The following MRAP2 variants were observed in gnomAD, a reference collection of about 807,000 sequenced individuals.
MRAP2 encodes melanocortin-2 receptor accessory protein 2.
In MRAP2, 20 loss-of-function variants were observed where a neutral mutation model predicts 17.4. The observed-to-expected ratio is 1.15, with a 90% CI of 0.81 to 1.67. MRAP2 has a LOEUF of 1.67. MRAP2 is among the 40% of genes most tolerant of loss of function. The pLI is 0.00. For missense variants in MRAP2, 238 were observed against 240.0 expected (o/e 0.99, Z 0.05); for synonymous variants, 96 against 88.4 (o/e 1.09, Z -0.48).
chr6:84,121,518 G>A, the MRAP2 span, among the ~76,000 whole-genome samples: 1 of 152,216 alleles, frequency 6.6e-6, no homozygotes, highest in South Asian at 2.1e-4. Flanking sequence ...GATGGCGTGC[G>A]CCTGTAATCT....
At chr6:84,109,631 T>C in the MRAP2 span, among the ~76,000 whole-genome samples, 3 of 152,160 alleles carry the variant, frequency 2.0e-5, no homozygotes, top group African/African-American at 4.8e-5. Context: ...CTTTAAGTTC[T>C]GGGGTACATG....
At chr6:84,089,012 C>A in intron 3 of MRAP2, 79 bp from the exon 4 acceptor site, 1 of 1,488,740 alleles carries the variant, frequency 6.7e-7, no homozygotes, top group Middle Eastern at 2.4e-4. Flanking sequence ...TGCTGGCCTG[C>A]CCTACGTGCA....
chr6:84,115,230 C>T, the MRAP2 span, among the ~76,000 whole-genome samples: 1 of 152,340 alleles, frequency 6.6e-6, no homozygotes, highest in East Asian at 1.9e-4. Flanking sequence ...TATCTATAAG[C>T]CCCTGACTGG....
At chr6:84,088,732 C>G (rs2099501087) in intron 3 of MRAP2, among the ~76,000 whole-genome samples, 1 of 152,136 alleles carries the variant, frequency 6.6e-6, no homozygotes, top group African/African-American at 2.4e-5. Flanking sequence ...TTCTGAGGGT[C>G]TGTGACCCAG....
intron 1 of MRAP2, among the ~76,000 whole-genome samples, chr6:84,054,807 G>A (rs2099491300): frequency 6.6e-6 from 1 of 152,122 alleles, no homozygotes; most frequent in Non-Finnish European, 1.5e-5. Flanking sequence ...GGTACAGGAG[G>A]CCCTTGGTGA....
chr6:84,140,249 C>T, the MRAP2 span, among the ~76,000 whole-genome samples: 2 of 151,952 alleles, frequency 1.3e-5, no homozygotes, highest in Non-Finnish European at 2.9e-5. Flanking sequence ...GAGCCTTTGG[C>T]GTTTCAAACT....
At chr6:84,059,694 C>T (rs1442967151) in intron 2 of MRAP2, among the ~76,000 whole-genome samples, 1 of 152,170 alleles carries the variant, frequency 6.6e-6, no homozygotes, top group Non-Finnish European at 1.5e-5. Context: ...AATTGTTCTA[C>T]CCCTTTACAA....
At chr6:84,049,200 G>A (rs1588627209) in intron 1 of MRAP2, among the ~76,000 whole-genome samples, 1 of 152,228 alleles carries the variant, frequency 6.6e-6, no homozygotes, top group South Asian at 2.1e-4. Flanking sequence ...AGAGGCAGTC[G>A]GATCGCCTGA....
chr6:84,061,748 G>A (rs1350023398), intron 2 of MRAP2: 2 of 983,746 alleles, frequency 2.0e-6, no homozygotes, highest in Non-Finnish European at 2.4e-6. Flanking sequence ...GAAACACATG[G>A]CTTTTAAAGT....
rs1588664886 is a variant in MRAP2 at position 84,089,177 on chromosome 6, C to A, written c.314C>A (p.Ser105Tyr). ...CCTCTGGAGCCAGATAAAGTATTTT[C>A]TCGCCAAGGCAACGAGGAGTCCAGG... ...GRPLEPDKVF[S>Y]RQGNEESRSL... is the part of the protein sequence containing the mutation. Residue 105 changes from serine (S) to tyrosine (Y), a missense_variant, in exon 4 of 4, where the codon TCT (serine) becomes TAT (tyrosine). By Grantham distance (144) the Ser-to-Tyr change is moderately radical (BLOSUM62 -2). Transcript: ENST00000257776. 2.5e-6 allele frequency: 4 copies of A among 1,614,152 alleles called. No individual in the cohort carries two copies. In the East Asian group the frequency reaches 8.9e-5, roughly 36 times the overall value.
the MRAP2 span, among the ~76,000 whole-genome samples, chr6:84,099,830 A>G: frequency 2.6e-5 from 4 of 151,806 alleles, no homozygotes; most frequent in South Asian, 2.1e-4. Context: ...ATGGATTAAT[A>G]CAGATAGTGT....
intron 3 of MRAP2, among the ~76,000 whole-genome samples, chr6:84,064,583 G>T (rs2099494095): frequency 6.6e-6 from 1 of 152,066 alleles, no homozygotes; most frequent in South Asian, 2.1e-4. Context: ...CGCCTCCCGG[G>T]TTCACGCCAT....
the MRAP2 span, among the ~76,000 whole-genome samples, chr6:84,132,805 G>T: frequency 6.6e-6 from 1 of 151,858 alleles, no homozygotes; most frequent in Admixed American, 6.6e-5. Flanking sequence ...CCTTTACCTC[G>T]GAGAAGTTTG....
At chr6:84,064,865 G>A (rs963416980) in intron 3 of MRAP2, among the ~76,000 whole-genome samples, 5 of 152,124 alleles carry the variant, frequency 3.3e-5, no homozygotes, top group African/African-American at 9.7e-5. Flanking sequence ...GTTGTGTCTC[G>A]TCACAGCCTC....
chr6:84,041,085 T>C (rs2099487441), intron 1 of MRAP2, among the ~76,000 whole-genome samples: 1 of 152,190 alleles, frequency 6.6e-6, no homozygotes, highest in Admixed American at 6.5e-5. Context: ...GCGTGCAGTC[T>C]AGAGACTTGG....
At chr6:84,130,649 G>A in the MRAP2 span, among the ~76,000 whole-genome samples, 1 of 152,150 alleles carries the variant, frequency 6.6e-6, no homozygotes, top group East Asian at 1.9e-4. Context: ...TTGCATAGAG[G>A]TGTTTATAGT....
rs75789099 is a variant in MRAP2 at position 84,074,168 on chromosome 6, G to A, written c.227+11176G>A. 6.1e-3 allele frequency among the ~76,000 whole-genome samples: 921 copies of A among 152,094 alleles called. 5 individuals carry two copies. Among genetic ancestry groups the A allele is most frequent in the African/African-American group, 0.021 (873 of 41,472 alleles). On this transcript the variant is annotated intron_variant, in intron 3 of 3. Coordinates refer to ENST00000257776, the MANE Select transcript of MRAP2 (RefSeq NM_138409.4). ...CCCATGGGATACCCAGACCCTAAGC[G>A]TTATATCTACACTTTCAAAATGTTG...
the MRAP2 span, among the ~76,000 whole-genome samples, chr6:84,139,347 T>C: frequency 6.6e-6 from 1 of 152,230 alleles, no homozygotes; most frequent in Non-Finnish European, 1.5e-5. Flanking sequence ...TTGTTGAAGA[T>C]GGTTTGTAAA....
chr6:84,086,551 CAAAT>C (rs1356968287), intron 3 of MRAP2, among the ~76,000 whole-genome samples: 3 of 152,094 alleles, frequency 2.0e-5, no homozygotes, highest in Non-Finnish European at 2.9e-5. Flanking sequence ...AAAGAAGAAA[CAAAT>C]AAAAGTCAAG....
Sources: gnomAD v4.1 joint callset for allele counts (sites outside exome capture counted in the v4.1 genomes callset) on GRCh38, gnomAD v4.1.1 for gene constraint, MANE v1.5 for transcripts, NCBI Gene and HGNC (gene_info 2026-07-23, HGNC 2026-07-21) for gene names.